GABRB1: variants seen among roughly 807,000 people sequenced by gnomAD.
The protein encoded by GABRB1 is gamma-aminobutyric acid receptor subunit beta-1.
In GABRB1, 17 loss-of-function variants were observed where a neutral mutation model predicts 51.6. The ratio of observed to expected loss-of-function variants is 0.33; its 90% CI spans 0.23 to 0.49. GABRB1 has a LOEUF of 0.49. Among genes scored for constraint, GABRB1 ranks in the 20% least tolerant of loss-of-function variants. The probability of loss-of-function intolerance (pLI) is 0.99; values close to 1 mark genes in which losing one functional copy is unlikely to be tolerated. For missense variants in GABRB1, 410 were observed against 600.6 expected (o/e 0.68, Z 3.32); for synonymous variants, 247 against 218.9 (o/e 1.13, Z -1.14).
intron 4 of GABRB1, among the ~76,000 whole-genome samples, chr4:47,196,100 G>A (rs1206948796): frequency 6.6e-6 from 1 of 152,152 alleles, no homozygotes; most frequent in East Asian, 1.9e-4. Flanking sequence ...TATCCTAAAA[G>A]GAACTCCACC....
At chr4:47,079,818 A>G in intron 3 of GABRB1, among the ~76,000 whole-genome samples, 1 of 125,344 alleles carries the variant, frequency 8.0e-6, no homozygotes, top group Non-Finnish European at 1.6e-5. Flanking sequence ...TGGACACAGG[A>G]AGGGGAACAT....
chr4:47,194,280 C>T (rs1299319145), intron 4 of GABRB1, among the ~76,000 whole-genome samples: 2 of 152,116 alleles, frequency 1.3e-5, no homozygotes, highest in African/African-American at 2.4e-5. Flanking sequence ...GAACGTGTTT[C>T]TTTAGTGAGC....
chr4:47,276,454 C>G (rs1011573820), intron 4 of GABRB1, among the ~76,000 whole-genome samples: 3 of 152,062 alleles, frequency 2.0e-5, no homozygotes, highest in Non-Finnish European at 1.5e-5. Flanking sequence ...AACCTTGAAG[C>G]CTCTCCATCT....
chr4:47,378,164 C>T (rs890397609), intron 5 of GABRB1, among the ~76,000 whole-genome samples: 7 of 152,182 alleles, frequency 4.6e-5, no homozygotes, highest in Non-Finnish European at 7.3e-5. Context: ...GAGGCTCAGG[C>T]ATGGCGGGCT....
Position 47,247,608 on chromosome 4 carries a change from T to G in GABRB1, c.462-72519T>G, listed in dbSNP as rs28835711. On this transcript the variant is annotated intron_variant, in intron 4 of 8. Transcript: ENST00000295454. Reference sequence around the variant, plus strand: ...TGCATTGAATTTGTAGATTTTTTTTTGGCAGTATGGTCATTTTCACAATAT... The same window carrying G: ...TGCATTGAATTTGTAGATTTTTTTTGGGCAGTATGGTCATTTTCACAATAT... 3.2e-3 allele frequency among the ~76,000 whole-genome samples: 494 copies of G among 152,174 alleles called. 3 individuals are homozygous for G. Among genetic ancestry groups the G allele is most frequent in the African/African-American group, 0.011 (471 of 41,566 alleles).
At chr4:47,402,056 A>G (rs1728414359) in intron 5 of GABRB1, among the ~76,000 whole-genome samples, 1 of 152,224 alleles carries the variant, frequency 6.6e-6, no homozygotes, top group South Asian at 2.1e-4. Context: ...TCTTTCAGAC[A>G]CTGGTGATTA....
chr4:47,155,015 T>G (rs1218919789), intron 3 of GABRB1, among the ~76,000 whole-genome samples: 3 of 152,084 alleles, frequency 2.0e-5, no homozygotes, highest in African/African-American at 7.2e-5. Flanking sequence ...AGGACTCTGA[T>G]TGGTCCATCT....
At chr4:47,076,924 A>G (rs553517849) in intron 3 of GABRB1, among the ~76,000 whole-genome samples, 78 of 152,324 alleles carry the variant, frequency 5.1e-4, no homozygotes, top group Non-Finnish European at 1.0e-3. Flanking sequence ...TCCTTGGCCC[A>G]CTGCTGAGAT....
At position 47,330,331 on chromosome 4, in the gene GABRB1, A is replaced by C. The variant is rs145876779; in HGVS notation, c.544+10122A>C. On this transcript the variant is annotated intron_variant, in intron 5 of 8. Coordinates refer to ENST00000295454, the MANE Select transcript of GABRB1 (RefSeq NM_000812.4). Reference sequence around the variant, plus strand: ...TACTGGACACCTCGTGATCCAGCCAAGTTGACACATAAAGTTAACCAGCAC... The same window carrying C: ...TACTGGACACCTCGTGATCCAGCCACGTTGACACATAAAGTTAACCAGCAC... Among the ~76,000 whole-genome samples, 95 of 152,344 alleles carry C rather than the reference A, an allele frequency of 6.2e-4. 1 individual carries two copies. The South Asian group carries it at 9.3e-3, about 15-fold the overall frequency.
chr4:47,267,040 T>C (rs912661628), intron 4 of GABRB1, among the ~76,000 whole-genome samples: 1 of 152,090 alleles, frequency 6.6e-6, no homozygotes, highest in African/African-American at 2.4e-5. Flanking sequence ...GATACGACAA[T>C]TCTAAATATA....
At chr4:47,012,661 G>A (rs1044213923) in intron 1 of GABRB1, among the ~76,000 whole-genome samples, 7 of 152,038 alleles carry the variant, frequency 4.6e-5, no homozygotes, top group Non-Finnish European at 1.0e-4. Flanking sequence ...TTGTTTATTC[G>A]TATGCATTCC....
intron 8 of GABRB1, among the ~76,000 whole-genome samples, chr4:47,422,478 C>A (rs571725750): frequency 1.3e-5 from 2 of 152,290 alleles, no homozygotes; most frequent in South Asian, 2.1e-4. Context: ...ATTCTAAGAC[C>A]GCAAATGGCC....
At chr4:47,284,174 G>C (rs1723414210) in intron 4 of GABRB1, among the ~76,000 whole-genome samples, 1 of 151,902 alleles carries the variant, frequency 6.6e-6, no homozygotes, top group Non-Finnish European at 1.5e-5. Context: ...GGAGACTGGG[G>C]TTGTCTTTTT....
chr4:47,026,177 G>A (rs1019584351), intron 1 of GABRB1, among the ~76,000 whole-genome samples: 4 of 151,904 alleles, frequency 2.6e-5, no homozygotes, highest in Non-Finnish European at 5.9e-5. Context: ...TAAATAAAAA[G>A]TCCTTTTCAC....
intron 5 of GABRB1, among the ~76,000 whole-genome samples, chr4:47,394,289 G>A (rs995190560): frequency 6.6e-6 from 1 of 152,196 alleles, no homozygotes. Context: ...TGGGACAAGA[G>A]CAAAGGTTCC....
chr4:47,163,420 A>T (rs1366289058), intron 4 of GABRB1, among the ~76,000 whole-genome samples: 1 of 152,022 alleles, frequency 6.6e-6, no homozygotes, highest in Non-Finnish European at 1.5e-5. Flanking sequence ...ACACTAATTG[A>T]GTGCCTATTA....
rs373707090 is a variant in GABRB1 at position 47,242,730 on chromosome 4, G to T, written c.462-77397G>T. ...TATCCTTTGCCCACTTTTTGATGGG[G>T]TTGTTTGATTTTTTCTTGTAAATTT... is the stretch of plus-strand genomic sequence containing the variant. On this transcript the variant is annotated intron_variant, in intron 4 of 8. Transcript: ENST00000295454. Among the ~76,000 whole-genome samples, 529 of 152,216 alleles carry T rather than the reference G, an allele frequency of 3.5e-3. 1 individual carries two copies. The highest frequency in any genetic ancestry group is 0.014 in the South Asian group (67 of 4,814).
chr4:47,294,629 C>T (rs570068462), intron 4 of GABRB1, among the ~76,000 whole-genome samples: 17 of 152,240 alleles, frequency 1.1e-4, no homozygotes, highest in Non-Finnish European at 2.4e-4. Context: ...GAGCCCACCA[C>T]AGCTCAAGGA....
chr4:47,396,139 G>T (rs1203632426), intron 5 of GABRB1, among the ~76,000 whole-genome samples: 2 of 152,120 alleles, frequency 1.3e-5, no homozygotes, highest in East Asian at 3.8e-4. Context: ...AGTTCCACCT[G>T]GCCAGGAAAG....
Sources: allele counts gnomAD v4.1 joint callset (sites outside exome capture counted in the v4.1 genomes callset), GRCh38; gene constraint gnomAD v4.1.1; transcripts MANE v1.5; gene names NCBI Gene and HGNC (gene_info 2026-07-23, HGNC 2026-07-21).